Variants in NINL observed in about 807,000 individuals in gnomAD.
The protein encoded by NINL is ninein-like protein.
NINL carries 153 observed loss-of-function variants against 160.3 expected under a neutral mutation model. The ratio of observed to expected loss-of-function variants is 0.95; its 90% confidence interval spans 0.84 to 1.09. The LOEUF is 1.09. Among genes scored for constraint, NINL ranks in the 50% least tolerant of loss-of-function variants. NINL has a pLI of 0.00. For missense variants in NINL, 1,829 were observed against 1,764.0 expected (o/e 1.04, Z -0.66); for synonymous variants, 800 against 734.8 (o/e 1.09, Z -1.43).
intron 10 of NINL, among the ~76,000 whole-genome samples, chr20:25,495,359 C>A (rs2063730406): frequency 6.6e-6 from 1 of 152,248 alleles, no homozygotes; most frequent in Non-Finnish European, 1.5e-5. Context: ...CTGGAGGGTG[C>A]CACACCACGT....
intron 17 of NINL, 77 bp from the exon 18 acceptor site, chr20:25,470,172 G>T: frequency 8.8e-7 from 1 of 1,142,496 alleles, no homozygotes; most frequent in Non-Finnish European, 1.3e-6. Context: ...CTGCAGCGGG[G>T]AGTCCTGAGA....
At chr20:25,478,330 C>A (rs2063312487) in intron 16 of NINL, among the ~76,000 whole-genome samples, 1 of 152,184 alleles carries the variant, frequency 6.6e-6, no homozygotes, top group Non-Finnish European at 1.5e-5. Context: ...GGGGCCAATG[C>A]TCTCCACAGG....
intron 1 of NINL, among the ~76,000 whole-genome samples, chr20:25,531,252 T>G (rs2064454814): frequency 6.6e-6 from 1 of 152,210 alleles, no homozygotes; most frequent in Non-Finnish European, 1.5e-5. Context: ...ATCCTGTTCT[T>G]TTTTCACGGT....
chr20:25,453,944 C>T (rs1168723171), intron 23 of NINL, among the ~76,000 whole-genome samples: 4 of 151,834 alleles, frequency 2.6e-5, no homozygotes, highest in South Asian at 2.1e-4. Flanking sequence ...CCCAGCTACC[C>T]GGGAGGCTGA....
intron 1 of NINL, among the ~76,000 whole-genome samples, chr20:25,561,375 C>A (rs1352887176): frequency 1.3e-5 from 2 of 152,112 alleles, no homozygotes; most frequent in Non-Finnish European, 2.9e-5. Context: ...GTGGTGTGAT[C>A]TCGGCTACAA....
In NINL at chr20:25,489,205, T is replaced by C. The variant is rs759398290; in HGVS notation, c.1677+39A>G. The C allele has an allele frequency of 3.8e-6, 6 of 1,594,768 alleles. No individual in the cohort carries two copies. The East Asian group carries it at 1.3e-4, about 36-fold the overall frequency. On this transcript the variant is annotated intron_variant, in intron 13 of 23. Coordinates refer to ENST00000278886, the MANE Select transcript of NINL (RefSeq NM_025176.6). Reference sequence around the variant, plus strand: ...CACCTGCGTGTGGAGACCCAGAGCCTGGACATGAGACTAAAAGGCAGACAG... The same window carrying C: ...CACCTGCGTGTGGAGACCCAGAGCCCGGACATGAGACTAAAAGGCAGACAG...
rs767590454 is a variant in NINL at position 25,503,954 on chromosome 20, G to C, written c.859C>G (p.Gln287Glu). Residue 287 changes from glutamine (Q) to glutamate (E), a missense_variant and splice_region_variant, in exon 7 of 24, where the codon CAG (glutamine) becomes GAG (glutamate). Physicochemically the swap from Gln to Glu is conservative, Grantham distance 29. Transcript: ENST00000278886. ...AGGATTTAACTGTTGCATTTTACCT[G>C]GTAATGAGACCAAGCCTTGCTCGGT... ...VKPSKAWSHY[Q>E]VPEESGCHTT... 6.2e-7 allele frequency: 1 copy of C among 1,613,968 alleles called. No homozygotes were observed. Among genetic ancestry groups the C allele is most frequent in the South Asian group, 1.1e-5 (1 of 91,068 alleles).
At chr20:25,554,088 G>A (rs1225140864) in intron 1 of NINL, among the ~76,000 whole-genome samples, 1 of 152,234 alleles carries the variant, frequency 6.6e-6, no homozygotes, top group Non-Finnish European at 1.5e-5. Context: ...GGAAGTGAGA[G>A]TGAATTCACT....
At chr20:25,521,023 T>A (rs2064253524) in intron 2 of NINL, among the ~76,000 whole-genome samples, 1 of 152,242 alleles carries the variant, frequency 6.6e-6, no homozygotes, top group Non-Finnish European at 1.5e-5. Context: ...GAAGTATGTT[T>A]CTGTCCTGAA....
intron 23 of NINL, among the ~76,000 whole-genome samples, chr20:25,455,150 C>T (rs940802452): frequency 2.6e-5 from 4 of 152,192 alleles, no homozygotes; most frequent in Non-Finnish European, 5.9e-5. Context: ...CCAAATGCCA[C>T]CTGGCCTCTG....
At chr20:25,562,786 A>C (rs1600349193) in intron 1 of NINL, among the ~76,000 whole-genome samples, 1 of 152,044 alleles carries the variant, frequency 6.6e-6, no homozygotes, top group East Asian at 1.9e-4. Context: ...AAAAAAAAAC[A>C]AAAACAAAAA....
At chr20:25,551,175 CAT>C (rs35553425) in intron 1 of NINL, among the ~76,000 whole-genome samples, 36,628 of 152,058 alleles carry the variant, frequency 0.24, 4,780 homozygotes, top group East Asian at 0.56. Flanking sequence ...CAATACAGCA[CAT>C]GTTTTCTGGG....
intron 8 of NINL, chr20:25,499,316 G>A (rs975271692): frequency 3.8e-5 from 31 of 821,056 alleles, no homozygotes; most frequent in Non-Finnish European, 4.4e-5. Context: ...AATGCTGACT[G>A]AGTTGCAAGG....
chr20:25,554,636 C>CAAAACAAAACAAAAAAA (rs1195606239), intron 1 of NINL, among the ~76,000 whole-genome samples: 24 of 85,794 alleles, frequency 2.8e-4, no homozygotes, highest in African/African-American at 1.3e-3. Flanking sequence ...AAAAAAAAAA[C>CAAAACAAAACAAAAAAA]AAAAAAAAAA....
chr20:25,575,521 G>A (rs2065105533), intron 1 of NINL, among the ~76,000 whole-genome samples: 2 of 151,150 alleles, frequency 1.3e-5, no homozygotes, highest in African/African-American at 2.4e-5. Flanking sequence ...GGGAGGGCAA[G>A]GTGGATGGAT....
intron 16 of NINL, among the ~76,000 whole-genome samples, chr20:25,477,367 A>G (rs1477609855): frequency 1.3e-5 from 2 of 152,166 alleles, no homozygotes; most frequent in East Asian, 3.9e-4. Flanking sequence ...GGCCGCCACC[A>G]TGCAGGACCT....
chr20:25,561,717 C>G (rs1452303114), intron 1 of NINL, among the ~76,000 whole-genome samples: 1 of 151,418 alleles, frequency 6.6e-6, no homozygotes, highest in South Asian at 2.1e-4. Flanking sequence ...CGCCTCGGCC[C>G]GGCCGCGACC....
intron 12 of NINL, 77 bp from the exon 13 acceptor site, chr20:25,489,401 C>A: frequency 7.7e-7 from 1 of 1,302,608 alleles, no homozygotes; most frequent in Non-Finnish European, 1.1e-6. Context: ...CCCTGGGCTC[C>A]AAGAACCTGC....
At chr20:25,583,913 G>A (rs1307382162) in intron 1 of NINL, among the ~76,000 whole-genome samples, 1 of 152,146 alleles carries the variant, frequency 6.6e-6, no homozygotes, top group Admixed American at 6.5e-5. Context: ...TCATAAGTGG[G>A]AGTTGACAAT....
Sources: allele counts gnomAD v4.1 joint callset (sites outside exome capture counted in the v4.1 genomes callset), GRCh38; gene constraint gnomAD v4.1.1; transcripts MANE v1.5; gene names NCBI Gene and HGNC (gene_info 2026-07-23, HGNC 2026-07-21).